The following DTNA variants were observed in gnomAD, a reference collection of about 807,000 sequenced individuals.
DTNA encodes the protein dystrobrevin alpha.
Under a neutral mutation model 100.7 loss-of-function variants are expected in DTNA, and 43 were observed. That is an observed-to-expected ratio of 0.43 (90% CI 0.33 to 0.55). The LOEUF (loss-of-function observed/expected upper bound fraction) is 0.55, where lower values mean the gene tolerates loss of function less well. Among genes scored for constraint, DTNA ranks in the 20% least tolerant of loss-of-function variants. The pLI is 0.04. For missense variants in DTNA, 798 were observed against 953.9 expected (o/e 0.84, Z 2.15); for synonymous variants, 349 against 347.9 (o/e 1.00, Z -0.04).
intron 1 of DTNA, among the ~76,000 whole-genome samples, chr18:34,659,417 G>A (rs889746288): frequency 2.0e-5 from 3 of 151,934 alleles, no homozygotes; most frequent in Non-Finnish European, 4.4e-5. Context: ...TGGGCTAGCC[G>A]CATTTCAACT....
chr18:34,558,155 C>G (rs536500511), intron 1 of DTNA: 6 of 153,138 alleles, frequency 3.9e-5, no homozygotes, highest in Non-Finnish European at 7.3e-5. Flanking sequence ...TCACCCCTTT[C>G]TTTGACTCGG....
intron 1 of DTNA, among the ~76,000 whole-genome samples, chr18:34,594,872 G>A (rs1028090404): frequency 2.0e-5 from 3 of 151,982 alleles, no homozygotes; most frequent in Admixed American, 1.3e-4. Context: ...CAGCGCCCCC[G>A]TTTTCTTGTC....
At chr18:34,863,896 C>T in intron 16 of DTNA, 70 bp from the exon 17 acceptor site, 1 of 1,473,722 alleles carries the variant, frequency 6.8e-7, no homozygotes, top group Non-Finnish European at 9.3e-7. Flanking sequence ...CCACAAGTCC[C>T]TCAAGAATGG....
intron 1 of DTNA, among the ~76,000 whole-genome samples, chr18:34,681,698 A>ACACAC (rs1491058311): frequency 2.1e-5 from 2 of 93,410 alleles, no homozygotes; most frequent in Admixed American, 1.9e-4. Flanking sequence ...TATACACAAC[A>ACACAC]CACACACACA....
At chr18:34,790,567 A>ATATATATATATATATATTTTTTTT (rs2094687460) in intron 3 of DTNA, among the ~76,000 whole-genome samples, 1 of 39,658 alleles carries the variant, frequency 2.5e-5, no homozygotes, top group African/African-American at 9.1e-5. Context: ...ATATATATAT[A>ATATATATATATATATATTTTTTTT]TTTTTTTTTT....
At chr18:34,708,827 G>A (rs1294965734), upstream of DTNA, among the ~76,000 whole-genome samples, 1 of 152,166 alleles carries the variant, frequency 6.6e-6, no homozygotes, top group Non-Finnish European at 1.5e-5. Flanking sequence ...TATGCTTCAA[G>A]CTTGGTGCTT....
rs530439494 is a variant in DTNA, at chr18:34,890,326, C to T, written c.*2592C>T. 492 of 1,536,074 alleles carry T rather than the reference C, an allele frequency of 3.2e-4. 2 individuals carry two copies. In the South Asian group the frequency reaches 3.7e-3, roughly 12 times the overall value. ...TCCACGTCAGCACTGAGACCAGACTCGAGCACCCCTGTCCTGTAAGCGAGA... is the reference window on the plus strand; with the variant it reads ...TCCACGTCAGCACTGAGACCAGACTTGAGCACCCCTGTCCTGTAAGCGAGA... On this transcript the variant is annotated 3_prime_UTR_variant, in exon 23 of 23. Transcript: ENST00000444659.
chr18:34,877,871 T>C, intron 19 of DTNA, 63 bp downstream of exon 19: 2 of 1,373,434 alleles, frequency 1.5e-6, no homozygotes, highest in Non-Finnish European at 2.1e-6. Flanking sequence ...GTGCTAGGGG[T>C]CTCTCTTAGA....
In DTNA at chr18:34,676,289, C is replaced by A. The variant is rs539720811; in HGVS notation, c.-1-79687C>A. On this transcript the variant is annotated intron_variant, in intron 1 of 19. Transcript: ENST00000283365. The stretch of plus-strand genomic sequence containing the variant: ...TTATTAAGCAAAAATGTGACTCCTG[C>A]AACTTCCATCTAACCTACATGCCTA... Among the ~76,000 whole-genome samples the A allele has an allele frequency of 5.9e-5, 9 of 152,272 alleles. No individual in the cohort carries two copies. The South Asian group carries it at 1.7e-3, about 28-fold the overall frequency.
intron 3 of DTNA, among the ~76,000 whole-genome samples, chr18:34,768,104 A>G (rs1296062836): frequency 1.3e-5 from 2 of 152,176 alleles, no homozygotes. Flanking sequence ...CCGTGTTTTC[A>G]GCAATTAAAA....
intron 1 of DTNA, among the ~76,000 whole-genome samples, chr18:34,495,729 G>T (rs2039120882): frequency 6.6e-6 from 1 of 152,142 alleles, no homozygotes; most frequent in African/African-American, 2.4e-5. Context: ...TTGTGTAGCG[G>T]TGAAGACTGA....
chr18:34,550,225 T>G (rs2045257686), intron 1 of DTNA, among the ~76,000 whole-genome samples: 2 of 152,150 alleles, frequency 1.3e-5, no homozygotes, highest in African/African-American at 4.8e-5. Context: ...TTTTAGGAAT[T>G]GGCAGGATGA....
In DTNA at chr18:34,890,204, G is replaced by A; in HGVS notation, c.*2470G>A. 6.9e-7 allele frequency: 1 copy of A among 1,458,788 alleles called. No homozygotes were observed. Among genetic ancestry groups the A allele is most frequent in the Non-Finnish European group, 9.0e-7 (1 of 1,110,734 alleles). 90.4% of individuals were successfully genotyped at this position (1,458,788 alleles called of 1,614,324 possible). A position where few individuals can be genotyped will look rare whatever the true frequency, so the allele number is the denominator to read the frequency against. On this transcript the variant is annotated 3_prime_UTR_variant, in exon 23 of 23. Transcript: ENST00000444659. Reference sequence around the variant, plus strand: ...CATTGCCAACCAACTCCATCACATGGTTGTTGATATCGTCATATAAAGCCA... The same window carrying A: ...CATTGCCAACCAACTCCATCACATGATTGTTGATATCGTCATATAAAGCCA...
At chr18:34,786,658 C>T (rs968246914) in intron 3 of DTNA, among the ~76,000 whole-genome samples, 34 of 152,064 alleles carry the variant, frequency 2.2e-4, no homozygotes, top group Non-Finnish European at 4.1e-4. Flanking sequence ...ACACTGTCTA[C>T]GCACAAGAAG....
At chr18:34,887,654 T>C (rs2096934645) in intron 22 of DTNA, 112 bp from the exon 23 acceptor site, 10 of 758,250 alleles carry the variant, frequency 1.3e-5, no homozygotes, top group Non-Finnish European at 1.6e-5. Context: ...TGTGTGTGTG[T>C]GTGCGCGCGC....
At position 34,601,164 on chromosome 18, in the gene DTNA, C is replaced by T. The variant is rs1475816541; in HGVS notation, c.-2+107650C>T. ...GTACAGCAGCAGCAGAGGTACTGCT[C>T]CTTGCAGAGCAGGGCTACCCCATAG... On this transcript the variant is annotated intron_variant, in intron 1 of 19. Transcript: ENST00000283365. Among the ~76,000 whole-genome samples the T allele has an allele frequency of 9.2e-5, 14 of 152,162 alleles. No individual in the cohort carries two copies. The East Asian group carries it at 1.5e-3, about 17-fold the overall frequency.
intron 9 of DTNA, among the ~76,000 whole-genome samples, chr18:34,822,887 A>G (rs1313685928): frequency 1.3e-5 from 2 of 152,190 alleles, no homozygotes; most frequent in Non-Finnish European, 2.9e-5. Flanking sequence ...GATCCTCAAG[A>G]GTCCTTGAAT....
chr18:34,510,105 T>G (rs778725771), intron 1 of DTNA, among the ~76,000 whole-genome samples: 10 of 121,756 alleles, frequency 8.2e-5, no homozygotes, highest in East Asian at 8.0e-4. Flanking sequence ...TTTTTTTGGT[T>G]GTTGTTGTTT....
At chr18:34,535,060 A>G (rs2043549280) in intron 1 of DTNA, among the ~76,000 whole-genome samples, 1 of 152,182 alleles carries the variant, frequency 6.6e-6, no homozygotes, top group African/African-American at 2.4e-5. Flanking sequence ...TCCTTGAGGA[A>G]TCGCCACAGT....
Sources: allele counts gnomAD v4.1 joint callset (sites outside exome capture counted in the v4.1 genomes callset), GRCh38; gene constraint gnomAD v4.1.1; transcripts MANE v1.5; gene names NCBI Gene and HGNC (gene_info 2026-07-23, HGNC 2026-07-21).